The following ATP8A1 variants were observed in gnomAD, a reference collection of about 807,000 sequenced individuals.
The protein encoded by ATP8A1 is ATPase phospholipid transporting 8A1.
A neutral mutation model predicts 177.7 loss-of-function variants in ATP8A1; 90 were observed. That is an observed-to-expected ratio of 0.51 (90% CI 0.43 to 0.60). The LOEUF (loss-of-function observed/expected upper bound fraction) is 0.60, where lower values mean the gene tolerates loss of function less well. Ranked by LOEUF, ATP8A1 falls within the 20% of genes least tolerant of loss-of-function variation. The pLI is 0.00. For synonymous variants in ATP8A1, 493 were observed against 485.9 expected (o/e 1.01, Z -0.19); for missense variants, 1,072 against 1,392.8 (o/e 0.77, Z 3.67).
Position 42,632,546 on chromosome 4 carries a change from G to C in ATP8A1, c.50-5437C>G, listed in dbSNP as rs562661361. ...CAGAAGGACCAAGAATTTCAGTATA[G>C]GGAATAGTCACATGTAACTTTTAAC... On this transcript the variant is annotated intron_variant, in intron 1 of 36. Coordinates refer to ENST00000381668, the MANE Select transcript of ATP8A1 (RefSeq NM_006095.2). Among the ~76,000 whole-genome samples, 6 of 152,250 alleles carry C rather than the reference G, an allele frequency of 3.9e-5. No homozygotes were observed. The East Asian group carries it at 1.2e-3, about 29-fold the overall frequency.
chr4:42,628,724 A>T (rs1738386607), intron 1 of ATP8A1, among the ~76,000 whole-genome samples: 1 of 152,156 alleles, frequency 6.6e-6, no homozygotes, highest in Admixed American at 6.5e-5. Context: ...GAGGGAGATC[A>T]ATCTTTAAAA....
chr4:42,456,769 G>C (rs188568041), intron 27 of ATP8A1, among the ~76,000 whole-genome samples: 1 of 152,246 alleles, frequency 6.6e-6, no homozygotes, highest in African/African-American at 2.4e-5. Flanking sequence ...ACTGTTAGAG[G>C]AGAGCGGTCT....
chr4:42,602,601 T>TA (rs977637235), intron 5 of ATP8A1, among the ~76,000 whole-genome samples: 24 of 151,912 alleles, frequency 1.6e-4, no homozygotes, highest in Admixed American at 4.6e-4. Context: ...CTGTCTCTAC[T>TA]AAAAAAACAC....
chr4:42,546,109 A>G (rs1355886853), intron 19 of ATP8A1, among the ~76,000 whole-genome samples: 1 of 151,970 alleles, frequency 6.6e-6, no homozygotes, highest in Non-Finnish European at 1.5e-5. Context: ...TTCCTTACAC[A>G]TGCCTGTGAA....
chr4:42,635,467 T>C (rs1739176403), intron 1 of ATP8A1, among the ~76,000 whole-genome samples: 1 of 151,918 alleles, frequency 6.6e-6, no homozygotes, highest in Non-Finnish European at 1.5e-5. Flanking sequence ...TTTCTTGACT[T>C]AGGTTGGGGT....
At chr4:42,540,165 A>G (rs1728237599) in intron 20 of ATP8A1, among the ~76,000 whole-genome samples, 1 of 152,204 alleles carries the variant, frequency 6.6e-6, no homozygotes, top group African/African-American at 2.4e-5. Flanking sequence ...ACAAATGGTC[A>G]ACAAGTATAT....
chr4:42,644,814 G>A (rs1158427479), intron 1 of ATP8A1, among the ~76,000 whole-genome samples: 3 of 151,274 alleles, frequency 2.0e-5, no homozygotes, highest in South Asian at 2.1e-4. Flanking sequence ...CATTTTGTAC[G>A]TTAACCTATA....
At chr4:42,599,905 G>A (rs1735076037) in intron 6 of ATP8A1, among the ~76,000 whole-genome samples, 1 of 152,182 alleles carries the variant, frequency 6.6e-6, no homozygotes, top group Non-Finnish European at 1.5e-5. Context: ...CCTTTTGAAA[G>A]TGAAGGCTGA....
At chr4:42,421,593 A>G (rs1217282838) in intron 35 of ATP8A1, among the ~76,000 whole-genome samples, 2 of 152,276 alleles carry the variant, frequency 1.3e-5, no homozygotes, top group African/African-American at 4.8e-5. Flanking sequence ...GGTCAGTGCT[A>G]TTATTTTCAA....
intron 12 of ATP8A1, 147 bp from the exon 13 acceptor site, chr4:42,575,846 AC>A (rs1449884717): frequency 1.5e-6 from 1 of 669,896 alleles, no homozygotes; most frequent in African/African-American, 1.8e-5. Context: ...TTATTCCTAT[AC>A]CATTTAATTC....
intron 4 of ATP8A1, among the ~76,000 whole-genome samples, chr4:42,618,952 A>T (rs549258655): frequency 3.4e-4 from 52 of 152,316 alleles, no homozygotes; most frequent in African/African-American, 1.2e-3. Flanking sequence ...TCTCTAGATG[A>T]TAATACAGTT....
At chr4:42,537,815 T>C (rs1560434335) in intron 20 of ATP8A1, among the ~76,000 whole-genome samples, 1 of 152,106 alleles carries the variant, frequency 6.6e-6, no homozygotes, top group Non-Finnish European at 1.5e-5. Flanking sequence ...ACAATCAATG[T>C]TGTAAAAATG....
At chr4:42,541,050 CAGGAATCTGAGGTT>C (rs1728334105) in intron 20 of ATP8A1, among the ~76,000 whole-genome samples, 2 of 151,994 alleles carry the variant, frequency 1.3e-5, no homozygotes. Context: ...CACTTGAGCC[CAGGAATCTGAGGTT>C]ATAGTGTGCT....
chr4:42,489,128 G>A (rs1010433963), intron 24 of ATP8A1, among the ~76,000 whole-genome samples: 1 of 152,074 alleles, frequency 6.6e-6, no homozygotes, highest in African/African-American at 2.4e-5. Context: ...TCAAACAAAG[G>A]CATTGCTCAC....
intron 35 of ATP8A1, 73 bp downstream of exon 35, chr4:42,422,734 C>A: frequency 8.2e-7 from 1 of 1,221,822 alleles, no homozygotes; most frequent in Non-Finnish European, 1.2e-6. Flanking sequence ...AGTCTTATCA[C>A]TTATTTCCAA....
intron 4 of ATP8A1, 41 bp from the exon 5 acceptor site, chr4:42,616,119 A>G (rs1736889334): frequency 6.4e-7 from 1 of 1,564,674 alleles, no homozygotes; most frequent in East Asian, 2.2e-5. Flanking sequence ...GAAAATGTGA[A>G]TAAGATTACT....
intron 22 of ATP8A1, among the ~76,000 whole-genome samples, chr4:42,515,615 A>G: frequency 1.3e-5 from 2 of 152,092 alleles, no homozygotes; most frequent in East Asian, 3.8e-4. Flanking sequence ...AAGGATCACT[A>G]CCTCACTGTC....
intron 20 of ATP8A1, among the ~76,000 whole-genome samples, chr4:42,525,855 A>G (rs1726622029): frequency 1.3e-5 from 2 of 152,280 alleles, no homozygotes; most frequent in South Asian, 4.2e-4. Context: ...AACACAACTT[A>G]GTGACCTCAG....
At chr4:42,606,909 A>G (rs918232797) in intron 5 of ATP8A1, among the ~76,000 whole-genome samples, 11 of 152,230 alleles carry the variant, frequency 7.2e-5, no homozygotes, top group African/African-American at 2.2e-4. Context: ...GCAATGTATA[A>G]ATTTCCACTG....
Sources: gnomAD v4.1 joint callset for allele counts (sites outside exome capture counted in the v4.1 genomes callset) on GRCh38, gnomAD v4.1.1 for gene constraint, MANE v1.5 for transcripts, NCBI Gene and HGNC (gene_info 2026-07-23, HGNC 2026-07-21) for gene names.